The following SDK2 variants were observed in gnomAD, a reference collection of about 807,000 sequenced individuals.
The protein encoded by SDK2 is protein sidekick-2.
SDK2 carries 105 observed loss-of-function variants against 253.9 expected under a neutral mutation model. The ratio of observed to expected loss-of-function variants is 0.41; its 90% CI spans 0.35 to 0.49. The LOEUF (loss-of-function observed/expected upper bound fraction) is 0.49, where lower values mean the gene tolerates loss of function less well. Among genes scored for constraint, SDK2 ranks in the 20% least tolerant of loss-of-function variants. The probability of loss-of-function intolerance (pLI) is 0.06; values close to 1 mark genes in which losing one functional copy is unlikely to be tolerated. For synonymous variants in SDK2, 1,249 were observed against 1,234.9 expected (o/e 1.01, Z -0.24); for missense variants, 2,608 against 3,003.0 (o/e 0.87, Z 3.07).
chr17:73,586,415 G>A (rs7222186), intron 1 of SDK2, among the ~76,000 whole-genome samples: 24,764 of 152,040 alleles, frequency 0.16, 2,193 homozygotes, highest in African/African-American at 0.2. Context: ...GACCAAGAGC[G>A]TAAATTCCTT....
At position 73,355,172 on chromosome 17, in the gene SDK2, A is replaced by ATATATATATATATG. The variant is rs1555750484; in HGVS notation, c.5594-2536_5594-2535insCATATATATATATA. On this transcript the variant is annotated intron_variant, in intron 40 of 44. Coordinates refer to ENST00000392650, the MANE Select transcript of SDK2 (RefSeq NM_001144952.2). ...CTCCTACACCTCCATATATATATATATATTTTTTTTTTTTTTTTTTTTTAG... is the reference window on the plus strand; with the variant it reads ...CTCCTACACCTCCATATATATATATATATATATATATATGTATTTTTTTTTTTTTTTTTTTTTAG... Among the ~76,000 whole-genome samples, 6 of 23,322 alleles carry ATATATATATATATG rather than the reference A, an allele frequency of 2.6e-4. 1 individual carries two copies. Among genetic ancestry groups the ATATATATATATATG allele is most frequent in the African/African-American group, 1.6e-3 (6 of 3,840 alleles). 15.3% of individuals were successfully genotyped at this position (23,322 alleles called of 152,430 possible).
chr17:73,510,576 C>T (rs140627207), intron 1 of SDK2, among the ~76,000 whole-genome samples: 206 of 152,256 alleles, frequency 1.4e-3, no homozygotes, highest in East Asian at 8.3e-3. Context: ...GTTGGCTCAC[C>T]GCAGCCTCGA....
chr17:73,386,448 C>T lies in SDK2; in HGVS notation c.4495G>A (p.Ala1499Thr), dbSNP rs1295761813. 6.4e-7 allele frequency: 1 copy of T among 1,552,266 alleles called. No individual in the cohort carries two copies. ...EESESLTTLQ[A>T]APDEAPTILS... ...CTGCTGGGGAAGGGGTACTGACCAG[C>T]CTGCAGGGTGGTCAGTGACTCCGAC... is the stretch of plus-strand genomic sequence containing the variant. The change falls in exon 31 of 45, where the codon GCT becomes ACT. Residue 1499 changes from alanine to threonine, a missense_variant. By Grantham distance (58) the Ala-to-Thr change is moderately conservative (BLOSUM62 0). This residue lies in a region of SDK2 where 1,103 missense variants were observed against 1,143.9 expected (regional missense o/e 0.96). Coordinates refer to ENST00000392650, the MANE Select transcript of SDK2 (RefSeq NM_001144952.2).
intron 1 of SDK2, among the ~76,000 whole-genome samples, chr17:73,595,462 C>A (rs1206963607): frequency 6.6e-6 from 1 of 152,176 alleles, no homozygotes; most frequent in Non-Finnish European, 1.5e-5. Context: ...TCCCACACAG[C>A]ACCAGCCTCC....
chr17:73,387,044 T>C (rs57237194), intron 30 of SDK2, among the ~76,000 whole-genome samples: 7 of 151,892 alleles, frequency 4.6e-5, no homozygotes, highest in African/African-American at 1.7e-4. Flanking sequence ...CACTGCAACC[T>C]CCGCCTCCCG....
At chr17:73,540,015 C>T (rs1025878993) in intron 1 of SDK2, among the ~76,000 whole-genome samples, 2 of 146,842 alleles carry the variant, frequency 1.4e-5, no homozygotes, top group African/African-American at 2.6e-5. Flanking sequence ...CCACCAGAGA[C>T]GGGGTCATGC....
chr17:73,472,534 A>ATC (rs367955751), intron 2 of SDK2, among the ~76,000 whole-genome samples: 4 of 152,240 alleles, frequency 2.6e-5, no homozygotes, highest in Admixed American at 6.5e-5. Context: ...GGAAGCAGCT[A>ATC]TTCTCCCTGA....
At chr17:73,474,913 G>A (rs755628563) in intron 2 of SDK2, among the ~76,000 whole-genome samples, 9 of 152,174 alleles carry the variant, frequency 5.9e-5, no homozygotes, top group African/African-American at 1.2e-4. Flanking sequence ...CTCAACTTCC[G>A]TCATAGTGAA....
At chr17:73,523,284 C>T (rs34805413) in intron 1 of SDK2, among the ~76,000 whole-genome samples, 1 of 151,762 alleles carries the variant, frequency 6.6e-6, no homozygotes. Context: ...CGAGAGAGAC[C>T]AAGCTTCCCC....
intron 1 of SDK2, among the ~76,000 whole-genome samples, chr17:73,601,132 G>A: frequency 6.6e-6 from 1 of 151,358 alleles, no homozygotes; most frequent in Non-Finnish European, 1.5e-5. Context: ...CAATTCTCCT[G>A]TCTCAGCCTC....
At chr17:73,401,849 A>G in intron 19 of SDK2, 97 bp from the exon 20 acceptor site, 1 of 1,404,522 alleles carries the variant, frequency 7.1e-7, no homozygotes, top group Non-Finnish European at 9.8e-7. Flanking sequence ...GGGGTATCTC[A>G]GCCTGGGAGA....
intron 1 of SDK2, among the ~76,000 whole-genome samples, chr17:73,515,191 A>G (rs904189643): frequency 2.0e-5 from 3 of 152,230 alleles, no homozygotes; most frequent in Non-Finnish European, 4.4e-5. Flanking sequence ...TGCCACATAG[A>G]CATAAGCCAA....
In SDK2 at chr17:73,361,777, C is replaced by T. The variant is rs1323269995; in HGVS notation, c.5374G>A (p.Ala1792Thr). Reference protein sequence around the residue: ...SPLWLKVKDLAEGVTYRFRIR... With the variant: ...SPLWLKVKDLTEGVTYRFRIR... ...CGGAACCTGTAGGTCACCCCCTCCG[C>T]CAGGTCCTTCACCTTCAGCCACAGG... The change falls in exon 39 of 45, where the codon GCG becomes ACG. Residue 1792 changes from alanine (A) to threonine (T), a missense_variant. Ala to Thr is a moderately conservative substitution (Grantham distance 58). This residue lies in a region of SDK2 where 1,103 missense variants were observed against 1,143.9 expected (regional missense o/e 0.96). Transcript: ENST00000392650. This position sits in a 1 kb window ranked among gnomAD's most constrained non-coding sequence, Gnocchi z 4.1. 2 of 1,612,142 alleles carry T rather than the reference C, an allele frequency of 1.2e-6. No individual in the cohort carries two copies. The highest frequency in any genetic ancestry group is 8.5e-7 in the Non-Finnish European group (1 of 1,179,128).
At chr17:73,548,474 G>A (rs1335002460) in intron 1 of SDK2, among the ~76,000 whole-genome samples, 1 of 152,244 alleles carries the variant, frequency 6.6e-6, no homozygotes, top group East Asian at 1.9e-4. Context: ...CCTAGGCACA[G>A]GATGATTATT....
rs963401990 is a variant in SDK2 at position 73,443,351 on chromosome 17, T to C, written c.614-2428A>G. ...ATATAAAAGCCTCATGTAGGTGCCA[T>C]AACGAGCGATCGGATTGAAAGCTGC... On this transcript the variant is annotated intron_variant, in intron 5 of 44. Coordinates refer to ENST00000392650, the MANE Select transcript of SDK2 (RefSeq NM_001144952.2). This position sits in a 1 kb window ranked among gnomAD's most constrained non-coding sequence, Gnocchi z 4.6. Among the ~76,000 whole-genome samples, 16 of 152,230 alleles carry C rather than the reference T, an allele frequency of 1.1e-4. No individual in the cohort carries two copies. Among genetic ancestry groups the C allele is most frequent in the African/African-American group, 3.9e-4 (16 of 41,460 alleles).
At chr17:73,540,429 A>G (rs1172830442) in intron 1 of SDK2, among the ~76,000 whole-genome samples, 21 of 152,196 alleles carry the variant, frequency 1.4e-4, no homozygotes, top group Non-Finnish European at 2.9e-5. Flanking sequence ...TCTAACGTCA[A>G]TGCTTCTTGC....
intron 1 of SDK2, among the ~76,000 whole-genome samples, chr17:73,550,967 A>G (rs567852916): frequency 6.6e-6 from 1 of 152,076 alleles, no homozygotes; most frequent in Non-Finnish European, 1.5e-5. Context: ...TCCCTTGCCT[A>G]CCTCCTGTCT....
chr17:73,356,695 T>C (rs1599479418), intron 40 of SDK2, among the ~76,000 whole-genome samples: 1 of 152,230 alleles, frequency 6.6e-6, no homozygotes, highest in African/African-American at 2.4e-5. Flanking sequence ...CCCCCTCTCC[T>C]CCCTCCTCCC....
At position 73,418,025 on chromosome 17, in the gene SDK2, T is replaced by G. The variant is rs534687006; in HGVS notation, c.2186+1141A>C. Among the ~76,000 whole-genome samples the G allele has an allele frequency of 6.9e-3, 1,020 of 148,730 alleles. 15 individuals are homozygous for G. The highest frequency in any genetic ancestry group is 0.024 in the African/African-American group (934 of 39,328). Reference sequence around the variant, plus strand: ...TCCTAGATGAGTTTTTTTTTTTTTTTTTTGTTTTTAGATGGAGTCTCGCCC... The same window carrying G: ...TCCTAGATGAGTTTTTTTTTTTTTTGTTTGTTTTTAGATGGAGTCTCGCCC... On this transcript the variant is annotated intron_variant, in intron 16 of 44. Transcript: ENST00000392650.
Sources: gnomAD v4.1 joint callset for allele counts (sites outside exome capture counted in the v4.1 genomes callset) on GRCh38, gnomAD v4.1.1 for gene constraint, gnomAD v4.1.1 regional missense constraint, Gnocchi (gnomAD v3.1) non-coding constraint, MANE v1.5 for transcripts, NCBI Gene and HGNC (gene_info 2026-07-23, HGNC 2026-07-21) for gene names.